Variants in CCDC102B observed in about 807,000 individuals in gnomAD.
CCDC102B encodes coiled-coil domain-containing protein 102B.
CCDC102B carries 75 observed loss-of-function variants against 57.4 expected under a neutral mutation model. The observed-to-expected ratio is 1.31, with a 90% CI of 1.08 to 1.58. The LOEUF (loss-of-function observed/expected upper bound fraction) is 1.58, where lower values mean the gene tolerates loss of function less well. CCDC102B is among the 40% of genes most tolerant of loss of function. CCDC102B has a pLI of 0.00. For synonymous variants in CCDC102B, 206 were observed against 201.9 expected (o/e 1.02, Z -0.17); for missense variants, 636 against 582.6 (o/e 1.09, Z -0.94).
chr18:68,820,468 G>A (rs1436381653), intron 1 of CCDC102B, among the ~76,000 whole-genome samples: 7 of 151,986 alleles, frequency 4.6e-5, no homozygotes, highest in Non-Finnish European at 5.9e-5. Context: ...CTATTAGGGC[G>A]TTTATGTCAG....
At chr18:68,801,120 C>G (rs2035835453) in intron 1 of CCDC102B, among the ~76,000 whole-genome samples, 1 of 152,066 alleles carries the variant, frequency 6.6e-6, no homozygotes, top group South Asian at 2.1e-4. Flanking sequence ...GAAGGAGTAT[C>G]TTTTTGCCGT....
chr18:68,747,939 A>G (rs2033686679), intron 2 of CCDC102B, among the ~76,000 whole-genome samples: 2 of 152,112 alleles, frequency 1.3e-5, no homozygotes, highest in Admixed American at 6.6e-5. Flanking sequence ...AGAAACCTCT[A>G]TTCTGTTTTC....
At chr18:68,851,897 T>G (rs2038144385) in intron 4 of CCDC102B, among the ~76,000 whole-genome samples, 1 of 152,228 alleles carries the variant, frequency 6.6e-6, no homozygotes, top group African/African-American at 2.4e-5. Context: ...CTTTATTTTA[T>G]ATTTCAGATG....
chr18:69,005,351 G>A (rs572639344), intron 6 of CCDC102B, among the ~76,000 whole-genome samples: 27 of 152,014 alleles, frequency 1.8e-4, no homozygotes, highest in African/African-American at 6.0e-4. Context: ...ATGGTAAATC[G>A]TATGTTACAT....
chr18:68,766,448 A>G (rs539635874), intron 2 of CCDC102B, among the ~76,000 whole-genome samples: 1 of 152,180 alleles, frequency 6.6e-6, no homozygotes, highest in African/African-American at 2.4e-5. Context: ...AAGAAGTGGA[A>G]ATTCTTACCC....
rs1005208157 is a variant in CCDC102B at position 68,932,076 on chromosome 18, C to G, written c.1263+34648C>G. Among the ~76,000 whole-genome samples the G allele has an allele frequency of 9.2e-5, 14 of 151,712 alleles. 1 individual carries two copies. Among genetic ancestry groups the G allele is most frequent in the Admixed American group, 9.2e-4 (14 of 15,212 alleles). On this transcript the variant is annotated intron_variant, in intron 6 of 7. Transcript: ENST00000360242. ...AACTGATGTATGAATCTCTTTTCTT[C>G]TAACATGACTTGTATATCCCAGCTC...
chr18:68,869,583 G>C lies in CCDC102B; in HGVS notation c.937-5086G>C, dbSNP rs367607106. 4.6e-5 allele frequency among the ~76,000 whole-genome samples: 7 copies of C among 152,292 alleles called. No homozygotes were observed. In the East Asian group the frequency reaches 1.4e-3, roughly 29 times the overall value. The stretch of plus-strand genomic sequence containing the variant: ...GACTGGATAAAAGATTATCCTTTTT[G>C]TAAATCTGTTTAAGTTCGTTATAGA... On this transcript the variant is annotated intron_variant, in intron 4 of 7. Coordinates refer to ENST00000360242, the MANE Select transcript of CCDC102B (RefSeq NM_024781.3).
intron 6 of CCDC102B, among the ~76,000 whole-genome samples, chr18:68,971,150 A>T (rs1344426768): frequency 1.3e-5 from 2 of 152,040 alleles, no homozygotes; most frequent in Non-Finnish European, 2.9e-5. Flanking sequence ...TTAACCTTTA[A>T]TTAAATTCAT....
At chr18:68,941,486 A>G (rs2145169096) in intron 6 of CCDC102B, among the ~76,000 whole-genome samples, 1 of 152,220 alleles carries the variant, frequency 6.6e-6, no homozygotes, top group Middle Eastern at 3.4e-3. Flanking sequence ...TATAAAATGT[A>G]CTTGCTAGAT....
At chr18:69,001,953 G>T (rs1339100301) in intron 6 of CCDC102B, among the ~76,000 whole-genome samples, 1 of 151,982 alleles carries the variant, frequency 6.6e-6, no homozygotes, top group Non-Finnish European at 1.5e-5. Flanking sequence ...CATTATTAAA[G>T]GCTCCATTCT....
intron 7 of CCDC102B, among the ~76,000 whole-genome samples, chr18:69,053,775 A>G (rs771430057): frequency 6.6e-5 from 10 of 151,774 alleles, no homozygotes; most frequent in Non-Finnish European, 1.0e-4. Context: ...TTTTATTTTT[A>G]AATTGACAAG....
intron 6 of CCDC102B, among the ~76,000 whole-genome samples, chr18:68,991,166 T>C (rs1011678113): frequency 6.6e-6 from 1 of 151,100 alleles, no homozygotes; most frequent in African/African-American, 2.4e-5. Flanking sequence ...CTGAATTGTT[T>C]GGACATTGGG....
intron 6 of CCDC102B, among the ~76,000 whole-genome samples, chr18:68,987,308 C>T (rs549210974): frequency 2.2e-4 from 33 of 152,232 alleles, no homozygotes; most frequent in Admixed American, 3.9e-4. Flanking sequence ...CTGACTAAAA[C>T]AAGCAATGGG....
rs181819942 is a variant in CCDC102B at position 68,913,232 on chromosome 18, A to C, written c.1263+15804A>C. ...GAAAAATAAAGGAGAGAAAGCATCC[A>C]TACATCAGTAACTAGAAAGAATCAT... On this transcript the variant is annotated intron_variant, in intron 6 of 7. Transcript: ENST00000360242. Among the ~76,000 whole-genome samples the C allele has an allele frequency of 2.0e-3, 302 of 152,268 alleles. 2 individuals are homozygous for C. The highest frequency in any genetic ancestry group is 1.6e-3 in the Non-Finnish European group (109 of 68,004).
At chr18:68,818,610 A>G (rs6566389) in intron 1 of CCDC102B, among the ~76,000 whole-genome samples, 65,602 of 151,850 alleles carry the variant, frequency 0.43, 15,464 homozygotes, top group East Asian at 0.86. Context: ...TTTTGAACTT[A>G]TTATAATTGG....
At chr18:68,891,220 A>C (rs755324264) in intron 5 of CCDC102B, among the ~76,000 whole-genome samples, 2 of 152,148 alleles carry the variant, frequency 1.3e-5, no homozygotes, top group Non-Finnish European at 2.9e-5. Flanking sequence ...TTTCTGTGCA[A>C]TCCTTTTTGC....
chr18:68,935,392 G>GAAATGAATGTGT, intron 6 of CCDC102B, among the ~76,000 whole-genome samples: 1 of 152,086 alleles, frequency 6.6e-6, no homozygotes, highest in East Asian at 1.9e-4. Context: ...TAATGATATA[G>GAAATGAATGTGT]AAATGAATGT....
intron 5 of CCDC102B, among the ~76,000 whole-genome samples, chr18:68,885,928 C>G (rs2039868308): frequency 6.6e-6 from 1 of 151,764 alleles, no homozygotes; most frequent in South Asian, 2.1e-4. Flanking sequence ...TTGGAATGTT[C>G]CAGATTAGTA....
intron 6 of CCDC102B, among the ~76,000 whole-genome samples, chr18:68,962,880 TG>T (rs2050078900): frequency 6.6e-6 from 1 of 152,036 alleles, no homozygotes; most frequent in Non-Finnish European, 1.5e-5. Flanking sequence ...TGTTTTTCCC[TG>T]AATCAAATGC....
Sources: allele counts gnomAD v4.1 joint callset (sites outside exome capture counted in the v4.1 genomes callset), GRCh38; gene constraint gnomAD v4.1.1; transcripts MANE v1.5; gene names NCBI Gene and HGNC (gene_info 2026-07-23, HGNC 2026-07-21).